The following VEGFC variants were observed in gnomAD, a reference collection of about 807,000 sequenced individuals.
VEGFC encodes vascular endothelial growth factor C.
Under a neutral mutation model 46.1 loss-of-function variants are expected in VEGFC, and 12 were observed. The observed-to-expected ratio is 0.26, with a 90% CI of 0.17 to 0.42. VEGFC has a LOEUF of 0.42. Ranked by LOEUF, VEGFC falls within the 10% of genes least tolerant of loss-of-function variation. The pLI is 1.00. For missense variants in VEGFC, 488 were observed against 529.4 expected, an observed-to-expected ratio of 0.92 and a Z score of 0.77; for synonymous variants, 232 against 195.5, an observed-to-expected ratio of 1.19 and a Z score of -1.56.
chr4:176,684,998 A>G (rs1206336879), intron 6 of VEGFC, among the ~76,000 whole-genome samples: 2 of 152,170 alleles, frequency 1.3e-5, no homozygotes, highest in African/African-American at 4.8e-5. Context: ...AAGTGCTAGG[A>G]TTACAGGTGT....
At chr4:176,772,603 T>A (rs545511173) in intron 1 of VEGFC, among the ~76,000 whole-genome samples, 2 of 152,310 alleles carry the variant, frequency 1.3e-5, no homozygotes, top group Admixed American at 1.3e-4. Context: ...GTGTTGGAAA[T>A]TTAATCCCCA....
intron 1 of VEGFC, among the ~76,000 whole-genome samples, chr4:176,779,703 AC>A (rs1185734560): frequency 6.6e-6 from 1 of 150,546 alleles, no homozygotes; most frequent in Non-Finnish European, 1.5e-5. Context: ...TAGGAAGGGA[AC>A]TGCTAATGTC....
At chr4:176,724,108 T>C (rs1734835498) in intron 3 of VEGFC, among the ~76,000 whole-genome samples, 3 of 152,296 alleles carry the variant, frequency 2.0e-5, no homozygotes, top group Admixed American at 6.5e-5. Flanking sequence ...TCAAGCTAAA[T>C]TGATAGCATA....
intron 3 of VEGFC, 58 bp downstream of exon 3, chr4:176,727,720 A>C (rs1210310018): frequency 6.6e-7 from 1 of 1,520,236 alleles, no homozygotes; most frequent in East Asian, 2.3e-5. Context: ...ATCATCCCCA[A>C]AGTTAAAGCT....
intron 4 of VEGFC, among the ~76,000 whole-genome samples, chr4:176,696,332 C>T (rs1331497903): frequency 2.0e-5 from 3 of 151,846 alleles, no homozygotes; most frequent in Non-Finnish European, 4.4e-5. Context: ...CACTCTTATA[C>T]ACCAACAACA....
rs572899638 is a variant in VEGFC at position 176,705,097 on chromosome 4, A to G, written c.704+6402T>C. Reference sequence around the variant, plus strand: ...ATATTGTTTGTTTGTACTCTAGTACATGAGTTATTTTAGCTAAAGAATTAT... The same window carrying G: ...ATATTGTTTGTTTGTACTCTAGTACGTGAGTTATTTTAGCTAAAGAATTAT... On this transcript the variant is annotated intron_variant, in intron 4 of 6. Coordinates refer to ENST00000618562, the MANE Select transcript of VEGFC (RefSeq NM_005429.5). 3.2e-4 allele frequency among the ~76,000 whole-genome samples: 49 copies of G among 152,332 alleles called. 1 individual carries two copies. The South Asian group carries it at 9.9e-3, about 31-fold the overall frequency.
At chr4:176,705,462 A>G (rs1287788701) in intron 4 of VEGFC, among the ~76,000 whole-genome samples, 1 of 152,210 alleles carries the variant, frequency 6.6e-6, no homozygotes, top group South Asian at 2.1e-4. Flanking sequence ...TTGAGACTTG[A>G]AAGTTTTTCT....
At chr4:176,762,657 T>C (rs1735551047) in intron 1 of VEGFC, among the ~76,000 whole-genome samples, 2 of 152,226 alleles carry the variant, frequency 1.3e-5, no homozygotes, top group African/African-American at 4.8e-5. Flanking sequence ...TTTATCTACA[T>C]ACATGCACAC....
chr4:176,728,591 C>T (rs1353130757), intron 2 of VEGFC, among the ~76,000 whole-genome samples: 1 of 152,154 alleles, frequency 6.6e-6, no homozygotes, highest in African/African-American at 2.4e-5. Context: ...TAACTCTCCT[C>T]TGGAATTTTG....
At chr4:176,751,570 C>T (rs1175596747) in intron 1 of VEGFC, among the ~76,000 whole-genome samples, 3 of 151,890 alleles carry the variant, frequency 2.0e-5, no homozygotes, top group African/African-American at 7.2e-5. Context: ...ACCCATGGGT[C>T]ATACAACAGA....
chr4:176,774,414 G>C (rs987264387), intron 1 of VEGFC, among the ~76,000 whole-genome samples: 35 of 152,110 alleles, frequency 2.3e-4, no homozygotes, highest in African/African-American at 8.0e-4. Flanking sequence ...AGAGCCAAAT[G>C]AGTGAATCAC....
chr4:176,759,701 G>A (rs1464215861), intron 1 of VEGFC, among the ~76,000 whole-genome samples: 4 of 151,394 alleles, frequency 2.6e-5, no homozygotes, highest in Non-Finnish European at 4.4e-5. Flanking sequence ...TGTACACCAT[G>A]CATATAGCCG....
At chr4:176,786,473 A>G (rs1054767253) in intron 1 of VEGFC, among the ~76,000 whole-genome samples, 3 of 152,188 alleles carry the variant, frequency 2.0e-5, no homozygotes, top group African/African-American at 7.2e-5. Context: ...ATTGGGTCTC[A>G]TATCATTCCA....
chr4:176,738,425 A>T (rs1232395988), intron 1 of VEGFC, among the ~76,000 whole-genome samples: 1 of 152,098 alleles, frequency 6.6e-6, no homozygotes, highest in East Asian at 1.9e-4. Context: ...GACTTTTGAC[A>T]AACCTGACAA....
intron 3 of VEGFC, among the ~76,000 whole-genome samples, chr4:176,725,406 C>T (rs181887420): frequency 1.9e-4 from 29 of 152,212 alleles, no homozygotes; most frequent in African/African-American, 2.6e-4. Context: ...TGGGCTCCAG[C>T]GATCCTCCTG....
At chr4:176,703,813 T>A (rs2110990063) in intron 4 of VEGFC, among the ~76,000 whole-genome samples, 1 of 152,256 alleles carries the variant, frequency 6.6e-6, no homozygotes, top group South Asian at 2.1e-4. Flanking sequence ...AGAAATGGAT[T>A]ATATCCAAAC....
intron 1 of VEGFC, among the ~76,000 whole-genome samples, chr4:176,736,878 A>T (rs1384869959): frequency 6.6e-6 from 1 of 151,522 alleles, no homozygotes; most frequent in Non-Finnish European, 1.5e-5. Flanking sequence ...AAAAAACTAT[A>T]GACTAAATAT....
intron 1 of VEGFC, among the ~76,000 whole-genome samples, chr4:176,736,442 A>ATTTCCTCTC (rs1735055593): frequency 6.9e-6 from 1 of 145,392 alleles, no homozygotes; most frequent in Admixed American, 7.2e-5. Context: ...TGAGTACATC[A>ATTTCCTCTC]TTTCCTCTCA....
intron 1 of VEGFC, among the ~76,000 whole-genome samples, chr4:176,732,458 T>C (rs1043152053): frequency 3.3e-5 from 5 of 151,926 alleles, no homozygotes; most frequent in Admixed American, 1.3e-4. Context: ...TAGGTACAGA[T>C]TGGTTTGAGG....
Sources: gnomAD v4.1 joint callset for allele counts (sites outside exome capture counted in the v4.1 genomes callset) on GRCh38, gnomAD v4.1.1 for gene constraint, MANE v1.5 for transcripts, NCBI Gene and HGNC (gene_info 2026-07-23, HGNC 2026-07-21) for gene names.